The following NAV1 variants were observed in gnomAD, a reference collection of about 807,000 sequenced individuals.
The protein encoded by NAV1 is pore membrane and/or filament interacting like protein 3.
Under a neutral mutation model 175.2 loss-of-function variants are expected in NAV1, and 18 were observed. The ratio of observed to expected loss-of-function variants is 0.10; its 90% confidence interval spans 0.07 to 0.15. The LOEUF (loss-of-function observed/expected upper bound fraction) is 0.15, where lower values mean the gene tolerates loss of function less well. Ranked by LOEUF, NAV1 falls within the 10% of genes least tolerant of loss-of-function variation. The probability of loss-of-function intolerance (pLI) is 1.00; values close to 1 mark genes in which losing one functional copy is unlikely to be tolerated. For missense variants in NAV1, 1,731 were observed against 2,436.6 expected, an observed-to-expected ratio of 0.71 and a Z score of 6.10; for synonymous variants, 897 against 978.7, an observed-to-expected ratio of 0.92 and a Z score of 1.56.
Position 201,648,756 on chromosome 1 carries a change from G to T in NAV1, c.88G>T (p.Ala30Ser), listed in dbSNP as rs971315504. Residue 30 changes from alanine (A) to serine (S), a missense_variant, in exon 1 of 30, where the codon GCC (alanine) becomes TCC (serine). Transcript: ENST00000367296. The stretch of plus-strand genomic sequence containing the variant: ...CGAGGGCGCGGACGAACCGCGGGGC[G>T]CCGGCAGGAAGGCGGCAGCGGCGGA... The T allele has an allele frequency of 3.6e-6, 5 of 1,401,932 alleles. No individual in the cohort carries two copies. The African/African-American group carries it at 6.0e-5, about 17-fold the overall frequency. The allele number at this position is 1,401,932 out of a possible 1,614,324, so 86.8% of individuals were successfully genotyped here. A position where few individuals can be genotyped will look rare whatever the true frequency, so the allele number is the denominator to read the frequency against.
exon 1 of NAV1, chr1:201,648,769 C>T: frequency 1.4e-6 from 2 of 1,407,764 alleles, no homozygotes; most frequent in Non-Finnish European, 9.2e-7. Flanking sequence ...GGCAGGAAGG[C>T]GGCAGCGGCG....
rs1303364669 is a variant in NAV1, at chr1:201,709,145, C to CA, written c.758-3656dup. ...AGGAGACAGAGTAAGACCCTGTCTCCAAAAAAAAAAAAAAAACCATTGAAC... is the reference window on the plus strand; with the variant it reads ...AGGAGACAGAGTAAGACCCTGTCTCCAAAAAAAAAAAAAAAAACCATTGAAC... On this transcript the variant is annotated intron_variant, in intron 1 of 29. Transcript: ENST00000367296. Among the ~76,000 whole-genome samples, 49 of 144,068 alleles carry CA rather than the reference C, an allele frequency of 3.4e-4. 1 individual carries two copies. Among genetic ancestry groups the CA allele is most frequent in the African/African-American group, 4.7e-4 (18 of 38,692 alleles). The allele number at this position is 144,068 out of a possible 152,430, so 94.5% of individuals were successfully genotyped here.
upstream of NAV1, among the ~76,000 whole-genome samples, chr1:201,618,808 A>G (rs1558021403): frequency 6.6e-6 from 1 of 152,180 alleles, no homozygotes. Flanking sequence ...CAATGTCTCA[A>G]TACAAGGGAC....
At chr1:201,639,865 A>G (rs1168595140) in intron 2 of NAV1, among the ~76,000 whole-genome samples, 1 of 152,042 alleles carries the variant, frequency 6.6e-6, no homozygotes, top group Admixed American at 6.6e-5. Context: ...ACTAGAGGTG[A>G]CTTGTTTTCC....
intron 3 of NAV1, among the ~76,000 whole-genome samples, chr1:201,773,310 A>G (rs1239445400): frequency 6.6e-6 from 1 of 152,140 alleles, no homozygotes; most frequent in Non-Finnish European, 1.5e-5. Flanking sequence ...CAGCCTCCCA[A>G]AGTGCTACGA....
chr1:201,556,521 G>C (rs1311036091), intron 1 of NAV1, among the ~76,000 whole-genome samples: 1 of 152,288 alleles, frequency 6.6e-6, no homozygotes, highest in Admixed American at 6.5e-5. Flanking sequence ...GTAACCCCTG[G>C]AGGGGCAGGA....
chr1:201,811,221 C>G (rs992150682), intron 24 of NAV1, among the ~76,000 whole-genome samples: 1 of 152,172 alleles, frequency 6.6e-6, no homozygotes, highest in African/African-American at 2.4e-5. Context: ...TTAAATGGTA[C>G]ATATTACACC....
intron 1 of NAV1, among the ~76,000 whole-genome samples, chr1:201,580,003 A>G (rs1456753597): frequency 1.3e-5 from 2 of 152,310 alleles, no homozygotes; most frequent in East Asian, 3.9e-4. Context: ...GGCCTGAGAA[A>G]CTGGGGGGAA....
intron 10 of NAV1, 72 bp from the exon 15 acceptor site, chr1:201,789,668 T>G: frequency 7.2e-7 from 1 of 1,388,924 alleles, no homozygotes; most frequent in Non-Finnish European, 1.0e-6. Context: ...AACTCCTGCC[T>G]TAGGGAGTCT....
intron 1 of NAV1, among the ~76,000 whole-genome samples, chr1:201,658,614 C>T (rs1433270185): frequency 1.1e-4 from 16 of 152,048 alleles, no homozygotes; most frequent in African/African-American, 2.2e-4. Flanking sequence ...ATGGCTGATC[C>T]GACATGGAGT....
chr1:201,711,373 C>T (rs1350660471), intron 1 of NAV1, among the ~76,000 whole-genome samples: 4 of 152,234 alleles, frequency 2.6e-5, no homozygotes, highest in Non-Finnish European at 5.9e-5. Context: ...TTGCAGGCTC[C>T]CTGCCCGCCC....
chr1:201,568,686 G>A (rs1460002989), intron 1 of NAV1, among the ~76,000 whole-genome samples: 1 of 152,138 alleles, frequency 6.6e-6, no homozygotes, highest in Non-Finnish European at 1.5e-5. Flanking sequence ...GTTGTTGTAA[G>A]GATTCAATAA....
intron 1 of NAV1, among the ~76,000 whole-genome samples, chr1:201,543,178 G>A (rs1032765235): frequency 6.6e-6 from 1 of 152,192 alleles, no homozygotes; most frequent in Non-Finnish European, 1.5e-5. Context: ...TGGCAGTGGT[G>A]AAAGCAGACA....
At position 201,790,404 on chromosome 1, in the gene NAV1, A is replaced by G. The variant is rs1677038528; in HGVS notation, c.3220-150A>G. 2.1e-5 allele frequency: 17 copies of G among 818,708 alleles called. No individual in the cohort carries two copies. In the South Asian group the frequency reaches 2.3e-4, roughly 11 times the overall value. 50.7% of individuals were successfully genotyped at this position (818,708 alleles called of 1,614,324 possible). On this transcript the variant is annotated intron_variant, in intron 11 of 29. Transcript: ENST00000367296. ...TCTGAGCCGAGTCCTGTGAGGAGCC[A>G]GGGCCAGGAAACAAGAGTTTCAGCC...
Position 201,746,864 on chromosome 1 carries a change from C to T in NAV1, c.1226+28109C>T, listed in dbSNP as rs558957748. 3.9e-5 allele frequency among the ~76,000 whole-genome samples: 6 copies of T among 151,968 alleles called. No individual in the cohort carries two copies. In the East Asian group the frequency reaches 1.2e-3, roughly 29 times the overall value. On this transcript the variant is annotated intron_variant, in intron 3 of 29. Transcript: ENST00000367296. ...AAAAAAATACAAAAAATTAGCCGAGCCTGGTGGCACACGCCTGTAGTTCCA... is the reference window on the plus strand; with the variant it reads ...AAAAAAATACAAAAAATTAGCCGAGTCTGGTGGCACACGCCTGTAGTTCCA...
chr1:201,623,452 G>C (rs1213658228), exon 1 of NAV1: 1 of 985,874 alleles, frequency 1.0e-6, no homozygotes, highest in African/African-American at 1.7e-5. Context: ...CAGGTCTTTG[G>C]AGCCTGATGA....
chr1:201,820,965 A>G (rs543948008), exon 30 of NAV1: 2 of 152,178 alleles, frequency 1.3e-5, no homozygotes, highest in South Asian at 2.1e-4. Flanking sequence ...CCATGCCACT[A>G]TCTTTGGCAT....
intron 2 of NAV1, among the ~76,000 whole-genome samples, chr1:201,715,995 G>C (rs1672126121): frequency 6.6e-6 from 1 of 152,086 alleles, no homozygotes; most frequent in East Asian, 1.9e-4. Flanking sequence ...GAGATGTCTA[G>C]AGATGTGTTT....
chr1:201,579,578 G>A (rs1666789024), intron 1 of NAV1, among the ~76,000 whole-genome samples: 1 of 152,122 alleles, frequency 6.6e-6, no homozygotes, highest in Non-Finnish European at 1.5e-5. Flanking sequence ...CTGGTCTTGA[G>A]CTCCTGGTGT....
Sources: allele counts gnomAD v4.1 joint callset (sites outside exome capture counted in the v4.1 genomes callset), GRCh38; gene constraint gnomAD v4.1.1; transcripts MANE v1.5; gene names NCBI Gene and HGNC (gene_info 2026-07-23, HGNC 2026-07-21).